The following NLRP11 variants were observed in gnomAD, a reference collection of about 807,000 sequenced individuals.
NLRP11 encodes NACHT, LRR and PYD domains-containing protein 11.
A neutral mutation model predicts 79.3 loss-of-function variants in NLRP11; 53 were observed. The observed-to-expected ratio is 0.67, with a 90% CI of 0.54 to 0.84. The LOEUF (loss-of-function observed/expected upper bound fraction) is 0.84. NLRP11 is among the 40% of genes least tolerant of loss of function. NLRP11 has a pLI of 0.00. For missense variants in NLRP11, 1,264 were observed against 1,255.0 expected, an observed-to-expected ratio of 1.01 and a Z score of -0.11; for synonymous variants, 518 against 462.6, an observed-to-expected ratio of 1.12 and a Z score of -1.54.
upstream of NLRP11, chr19:55,832,142 G>A (rs1477296464): frequency 1.3e-5 from 2 of 152,226 alleles, no homozygotes; most frequent in African/African-American, 4.8e-5. Context: ...TTTCTGCCCA[G>A]ATGCCCCAAT....
upstream of NLRP11, among the ~76,000 whole-genome samples, chr19:55,835,634 G>T (rs1983189114): frequency 6.8e-6 from 1 of 146,488 alleles, no homozygotes; most frequent in African/African-American, 2.6e-5. Flanking sequence ...TTGAGGTCAA[G>T]GGTTCGAGAC....
At chr19:55,798,395 A>G in intron 5 of NLRP11, 1 of 931,822 alleles carries the variant, frequency 1.1e-6, no homozygotes, top group South Asian at 5.0e-5. Flanking sequence ...TATCCTTAGC[A>G]AACTAACATA....
intron 1 of NLRP11, among the ~76,000 whole-genome samples, chr19:55,818,914 T>C (rs1246894179): frequency 6.6e-6 from 1 of 152,106 alleles, no homozygotes; most frequent in African/African-American, 2.4e-5. Context: ...AGACTCAAGT[T>C]TTTTATACAA....
At position 55,815,528 on chromosome 19, in the gene NLRP11, C is replaced by CAAAAAA. The variant is rs11343133; in HGVS notation, c.271+2370_271+2375dup. On this transcript the variant is annotated intron_variant, in intron 2 of 9. Coordinates refer to ENST00000589093, the Ensembl canonical transcript of NLRP11. Reference sequence around the variant, plus strand: ...TGGACAATGGAACAAGACTCCATCTCAAAAAAAAAAAAAAAAAGAATTTAG... The same window carrying CAAAAAA: ...TGGACAATGGAACAAGACTCCATCTCAAAAAAAAAAAAAAAAAAAAAAAGAATTTAG... Among the ~76,000 whole-genome samples the CAAAAAA allele has an allele frequency of 8.6e-3, 800 of 92,750 alleles. 14 individuals are homozygous for CAAAAAA. Among genetic ancestry groups the CAAAAAA allele is most frequent in the African/African-American group, 0.027 (758 of 27,970 alleles). 60.8% of individuals were successfully genotyped at this position (92,750 alleles called of 152,430 possible).
chr19:55,802,590 A>G (rs538974010), intron 4 of NLRP11, among the ~76,000 whole-genome samples: 24 of 152,378 alleles, frequency 1.6e-4, no homozygotes, highest in Admixed American at 5.9e-4. Flanking sequence ...ATACTGCCCA[A>G]AGCAATTTAC....
At chr19:55,820,691 C>G (rs1247003825) in intron 1 of NLRP11, among the ~76,000 whole-genome samples, 4 of 152,086 alleles carry the variant, frequency 2.6e-5, no homozygotes, top group Non-Finnish European at 5.9e-5. Flanking sequence ...TCTCTCTTAA[C>G]TCAGAAAAAA....
intron 7 of NLRP11, among the ~76,000 whole-genome samples, chr19:55,789,944 ACTC>A (rs1464089018): frequency 6.6e-6 from 1 of 151,486 alleles, no homozygotes; most frequent in East Asian, 1.9e-4. Flanking sequence ...CCCATTATCT[ACTC>A]CTACAATCCT....
chr19:55,803,529 A>G (rs957161163), intron 4 of NLRP11, among the ~76,000 whole-genome samples: 84 of 152,338 alleles, frequency 5.5e-4, no homozygotes, highest in African/African-American at 1.7e-3. Context: ...GTCAACCTGC[A>G]GAATGGGAGA....
At chr19:55,804,014 G>A (rs539647299) in intron 4 of NLRP11, among the ~76,000 whole-genome samples, 2 of 152,322 alleles carry the variant, frequency 1.3e-5, no homozygotes, top group East Asian at 1.9e-4. Flanking sequence ...CCTGGGAAGT[G>A]GAGGTTGCAG....
chr19:55,791,907 C>A (rs1381913818), intron 7 of NLRP11, among the ~76,000 whole-genome samples: 6 of 152,164 alleles, frequency 3.9e-5, no homozygotes, highest in Admixed American at 3.9e-4. Context: ...AAGCTATTTC[C>A]CAACAGAAAG....
intron 2 of NLRP11, among the ~76,000 whole-genome samples, chr19:55,813,400 T>C (rs1288787288): frequency 6.6e-6 from 1 of 152,194 alleles, no homozygotes; most frequent in African/African-American, 2.4e-5. Flanking sequence ...TTGTAGTTTC[T>C]TTCCCCACTG....
At position 55,792,545 on chromosome 19, in the gene NLRP11, C is replaced by T. The variant is rs990166917; in HGVS notation, c.2343-74G>A. On this transcript the variant is annotated intron_variant, in intron 6 of 9. Transcript: ENST00000589093. ...GGAGCACCTGAGACCACCCACCCCACGCCCACGGGCGCCTCGATGCCTTCT... is the reference window on the plus strand; with the variant it reads ...GGAGCACCTGAGACCACCCACCCCATGCCCACGGGCGCCTCGATGCCTTCT... 170 of 1,146,114 alleles carry T rather than the reference C, an allele frequency of 1.5e-4. No homozygotes were observed. The African/African-American group carries it at 1.8e-3, about 12-fold the overall frequency. 71.0% of individuals were successfully genotyped at this position (1,146,114 alleles called of 1,614,324 possible). A position where few individuals can be genotyped will look rare whatever the true frequency, so the allele number is the denominator to read the frequency against.
At chr19:55,798,222 G>A (rs979105699) in intron 5 of NLRP11, 3 of 512,702 alleles carry the variant, frequency 5.9e-6, no homozygotes, top group Non-Finnish European at 7.5e-6. Context: ...TGTCTGGAAC[G>A]CCTTACCTCA....
At chr19:55,787,581 C>A (rs1336640364) in intron 9 of NLRP11, among the ~76,000 whole-genome samples, 2 of 152,192 alleles carry the variant, frequency 1.3e-5, no homozygotes, top group Non-Finnish European at 2.9e-5. Context: ...AAGTGATCCA[C>A]CCGCCTTAGC....
At chr19:55,815,619 AG>A (rs1169707520) in intron 2 of NLRP11, among the ~76,000 whole-genome samples, 1 of 152,186 alleles carries the variant, frequency 6.6e-6, no homozygotes, top group Non-Finnish European at 1.5e-5. Context: ...ATTCAGTGCC[AG>A]AAGACACAGA....
At chr19:55,799,928 C>T (rs1032938672) in intron 5 of NLRP11, among the ~76,000 whole-genome samples, 2 of 152,142 alleles carry the variant, frequency 1.3e-5, no homozygotes, top group Admixed American at 6.5e-5. Flanking sequence ...GATCACACCA[C>T]TGCACTCCAG....
In NLRP11 at chr19:55,793,366, C is replaced by T. The variant is rs10425304; in HGVS notation, c.2343-895G>A. The stretch of plus-strand genomic sequence containing the variant: ...GGAAGATCACCTGAGTTCAGGACTT[C>T]GAGACTAGCCTGGTCAACATGGTGA... On this transcript the variant is annotated intron_variant, in intron 6 of 9. Coordinates refer to ENST00000589093, the Ensembl canonical transcript of NLRP11. 1.6e-3 allele frequency among the ~76,000 whole-genome samples: 239 copies of T among 151,846 alleles called. 1 individual carries two copies. The highest frequency in any genetic ancestry group is 0.01 in the Middle Eastern group (3 of 294).
At chr19:55,799,215 C>T (rs1026143936) in intron 5 of NLRP11, among the ~76,000 whole-genome samples, 1 of 151,878 alleles carries the variant, frequency 6.6e-6, no homozygotes, top group Non-Finnish European at 1.5e-5. Flanking sequence ...TGAAGTGAGC[C>T]GAGATCACCC....
chr19:55,785,959 C>T (rs1219389487), intron 9 of NLRP11, 88 bp from the exon 10 acceptor site: 27 of 1,390,728 alleles, frequency 1.9e-5, no homozygotes, highest in Non-Finnish European at 2.6e-5. Context: ...CATATGGCAT[C>T]CTTTGGGTAT....
Sources: allele counts gnomAD v4.1 joint callset (sites outside exome capture counted in the v4.1 genomes callset), GRCh38; gene constraint gnomAD v4.1.1; transcripts MANE v1.5; gene names NCBI Gene and HGNC (gene_info 2026-07-23, HGNC 2026-07-21).